The following ANGPTL4 variants were observed in gnomAD, a reference collection of about 807,000 sequenced individuals.
ANGPTL4 encodes angiopoietin like 4, also known as angiopoietin-related protein 4.
A neutral mutation model predicts 39.2 loss-of-function variants in ANGPTL4; 39 were observed. The observed-to-expected ratio is 1.00, with a 90% CI of 0.77 to 1.30. The LOEUF is 1.30. ANGPTL4 is among the 50% of genes most tolerant of loss of function. The pLI, the probability that ANGPTL4 is intolerant of heterozygous loss-of-function variation, is 0.00. For missense variants in ANGPTL4, 545 were observed against 549.8 expected (o/e 0.99, Z 0.09); for synonymous variants, 233 against 229.5 (o/e 1.02, Z -0.14).
intron 4 of ANGPTL4, among the ~76,000 whole-genome samples, chr19:8,370,713 A>G (rs569426719): frequency 1.3e-5 from 2 of 151,922 alleles, no homozygotes; most frequent in South Asian, 4.2e-4. Flanking sequence ...AAAAAAAAAA[A>G]AAAAAAAAGA....
At position 8,371,006 on chromosome 19, in the gene ANGPTL4, G is replaced by A. The variant is rs1189806262; in HGVS notation, c.662-50G>A. 7 of 1,547,638 alleles carry A rather than the reference G, an allele frequency of 4.5e-6. No individual in the cohort carries two copies. The highest frequency in any genetic ancestry group is 1.4e-5 in the African/African-American group (1 of 73,094). ...GCTTGGCAGCCAGATGAGGGAGTGG[G>A]GTCGTCTGTGAAGAGGGACTTCCTG... On this transcript the variant is annotated intron_variant, in intron 4 of 6. Transcript: ENST00000301455. The surrounding 1 kb of genome is among the most constrained non-coding windows in gnomAD (Gnocchi z 5.1).
intron 3 of ANGPTL4, among the ~76,000 whole-genome samples, chr19:8,368,640 C>T (rs566546788): frequency 1.3e-5 from 2 of 152,164 alleles, no homozygotes; most frequent in African/African-American, 2.4e-5. Context: ...TGGCGGATCA[C>T]GAGGTCAGGA....
rs981676762 is a variant in ANGPTL4 at position 8,373,973 on chromosome 19, G to A, written c.*87G>A. On this transcript the variant is annotated 3_prime_UTR_variant, in exon 7 of 7. Transcript: ENST00000301455. The stretch of plus-strand genomic sequence containing the variant: ...ATGTGGCCGTTCCCTGCCTGGGCAG[G>A]GGCTCCAAGGAGGGGCCATCTGGAA... 4.0e-6 allele frequency: 6 copies of A among 1,482,176 alleles called. No individual in the cohort carries two copies. The African/African-American group carries it at 6.9e-5, about 17-fold the overall frequency. 91.8% of individuals were successfully genotyped at this position (1,482,176 alleles called of 1,614,324 possible).
chr19:8,369,168 C>T (rs530029296), intron 3 of ANGPTL4, 51 bp from the exon 4 acceptor site: 6 of 1,498,624 alleles, frequency 4.0e-6, no homozygotes, highest in Admixed American at 3.8e-5. Flanking sequence ...TCCTGAGACC[C>T]CCCCCAGGGG....
chr19:8,364,622 G>A lies in ANGPTL4; in HGVS notation c.301G>A (p.Val101Ile), dbSNP rs557160330. 31 of 1,591,080 alleles carry A rather than the reference G, an allele frequency of 1.9e-5. 2 individuals carry two copies. In the African/African-American group the frequency reaches 3.9e-4, roughly 20 times the overall value. ...LAPESRVDPE[V>I]LHSLQTQLKA... ...CCCTGAGAGCCGGGTGGACCCTGAG[G>A]TCCTTCACAGCCTGCAGGTACGTGT... Residue 101 changes from valine (V) to isoleucine (I), a missense_variant, in exon 1 of 7, where the codon GTC becomes ATC. Physicochemically the swap from Val to Ile is conservative, Grantham distance 29 (BLOSUM62 3). Coordinates refer to ENST00000301455, the MANE Select transcript of ANGPTL4 (RefSeq NM_139314.3).
chr19:8,368,299 G>A (rs1971047270), intron 3 of ANGPTL4, among the ~76,000 whole-genome samples: 3 of 152,088 alleles, frequency 2.0e-5, no homozygotes, highest in African/African-American at 4.8e-5. Context: ...GAACCACTGC[G>A]CCCGGCCCAT....
Position 8,364,373 on chromosome 19 carries a change from G to T in ANGPTL4, c.52G>T (p.Ala18Ser). Residue 18 changes from alanine (A) to serine (S), a missense_variant, in exon 1 of 7, where the codon GCC becomes TCC. Transcript: ENST00000301455. Reference protein sequence around the residue: ...GAALMLCAATAVLLSAQGGPV... With the variant: ...GAALMLCAATSVLLSAQGGPV... ...AGCCCTGATGCTCTGCGCCGCCACC[G>T]CCGTGCTACTGAGCGCTCAGGGCGG... The T allele has an allele frequency of 6.5e-7, 1 of 1,547,536 alleles. No individual in the cohort carries two copies. Among genetic ancestry groups the T allele is most frequent in the South Asian group, 1.2e-5 (1 of 84,576 alleles).
At chr19:8,369,029 G>A (rs1370402112) in intron 3 of ANGPTL4, among the ~76,000 whole-genome samples, 190 bp from the exon 4 acceptor site, 1 of 152,256 alleles carries the variant, frequency 6.6e-6, no homozygotes, top group African/African-American at 2.4e-5. Context: ...GGTGCCTTGT[G>A]GACCATGCTG....
intron 1 of ANGPTL4, 72 bp from the exon 2 acceptor site, chr19:8,365,882 T>C (rs1970991789): frequency 3.6e-6 from 4 of 1,112,126 alleles, no homozygotes; most frequent in Non-Finnish European, 5.5e-6. Context: ...TTTGGAAGGA[T>C]GGATGAGTGG....
At chr19:8,365,460 A>G (rs1970983945) in intron 1 of ANGPTL4, among the ~76,000 whole-genome samples, 1 of 152,114 alleles carries the variant, frequency 6.6e-6, no homozygotes, top group African/African-American at 2.4e-5. Context: ...CCTGGGCGAC[A>G]GAGCTCGACT....
At position 8,371,329 on chromosome 19, in the gene ANGPTL4, C is replaced by CA; in HGVS notation, c.848dup (p.Asn283LysfsTer19). On this transcript the variant is annotated frameshift_variant, in exon 6 of 7. Transcript: ENST00000301455. LOFTEE classifies it high-confidence loss of function. The surrounding 1 kb of genome is among the most constrained non-coding windows in gnomAD (Gnocchi z 5.1). ...CCGTGCAGCTGCGGGACTGGGATGG[C>CA]AACGCCGAGTTGCTGCAGTTCTCCG... The CA allele has an allele frequency of 6.2e-7, 1 of 1,613,832 alleles. No individual in the cohort carries two copies. The highest frequency in any genetic ancestry group is 8.5e-7 in the Non-Finnish European group (1 of 1,180,034).
chr19:8,369,362 T>C, intron 4 of ANGPTL4, 30 bp downstream of exon 4: 1 of 1,503,642 alleles, frequency 6.7e-7, no homozygotes. Flanking sequence ...CAGGGGCCCC[T>C]CTCCCCATAG....
In ANGPTL4 at chr19:8,373,887, C is replaced by T. The variant is rs145509749; in HGVS notation, c.*1C>T. 2,699 of 1,613,014 alleles carry T rather than the reference C, an allele frequency of 1.7e-3. 36 individuals are homozygous for T. The African/African-American group carries it at 0.031, about 18-fold the overall frequency. On this transcript the variant is annotated 3_prime_UTR_variant, in exon 7 of 7. Coordinates refer to ENST00000301455, the MANE Select transcript of ANGPTL4 (RefSeq NM_139314.3). ...CATGGCAGCAGAGGCAGCCTCCTAG[C>T]GTCCTGGCTGGGCCTGGTCCCAGGC...
At chr19:8,366,364 CG>C in intron 3 of ANGPTL4, 45 bp downstream of exon 3, 1 of 1,582,968 alleles carries the variant, frequency 6.3e-7, no homozygotes, top group Non-Finnish European at 8.6e-7. Context: ...ACCCCTACCC[CG>C]CCACTTGCCA....
chr19:8,366,336 C>T lies in ANGPTL4; in HGVS notation c.547+17C>T, dbSNP rs1461554421. On this transcript the variant is annotated intron_variant, in intron 3 of 6. Coordinates refer to ENST00000301455, the MANE Select transcript of ANGPTL4 (RefSeq NM_139314.3). The stretch of plus-strand genomic sequence containing the variant: ...GCCTGCACCGTGAGTGTCTGCCCCT[C>T]GATGCTCTCCGGTGGCCACCCCTAC... The T allele has an allele frequency of 1.4e-5, 22 of 1,611,182 alleles. No individual in the cohort carries two copies. Among genetic ancestry groups the T allele is most frequent in the Non-Finnish European group, 1.8e-5 (21 of 1,179,096 alleles).
intron 3 of ANGPTL4, among the ~76,000 whole-genome samples, chr19:8,367,993 C>T (rs117920931): frequency 0.02 from 2,956 of 150,082 alleles, 30 homozygotes; most frequent in South Asian, 0.049. Context: ...ACCGCCACCA[C>T]GCCCAGCTAA....
At position 8,367,473 on chromosome 19, in the gene ANGPTL4, C is replaced by T. The variant is rs528042596; in HGVS notation, c.547+1154C>T. On this transcript the variant is annotated intron_variant, in intron 3 of 6. Transcript: ENST00000301455. ...CACACTGGTGGTTTGGCCGCGTGCC[C>T]ATCCTTACTGGATGGGAGGAAAGTA... 7.2e-4 allele frequency among the ~76,000 whole-genome samples: 110 copies of T among 151,964 alleles called. No individual in the cohort carries two copies. In the Middle Eastern group the frequency reaches 0.01, roughly 14 times the overall value.
intron 4 of ANGPTL4, among the ~76,000 whole-genome samples, chr19:8,369,957 C>A (rs1971082084): frequency 6.6e-6 from 1 of 151,942 alleles, no homozygotes; most frequent in African/African-American, 2.4e-5. Flanking sequence ...GTAATCCCAG[C>A]ACTTTGGGAG....
At chr19:8,366,444 CA>C in intron 3 of ANGPTL4, 125 bp downstream of exon 3, 1 of 1,092,974 alleles carries the variant, frequency 9.1e-7, no homozygotes, top group Admixed American at 1.9e-5. Context: ...CCTGAGGGCT[CA>C]CCAGTCTCTG....
Sources: allele counts gnomAD v4.1 joint callset (sites outside exome capture counted in the v4.1 genomes callset), GRCh38; gene constraint gnomAD v4.1.1; non-coding constraint Gnocchi (gnomAD v3.1); transcripts MANE v1.5; gene names NCBI Gene and HGNC (gene_info 2026-07-23, HGNC 2026-07-21).